Variants in COL4A5 observed in about 807,000 individuals in gnomAD.
COL4A5 encodes the protein collagen type IV alpha 5 chain.
A neutral mutation model predicts 130.2 loss-of-function variants in COL4A5; 26 were observed. The ratio of observed to expected loss-of-function variants is 0.20; its 90% CI spans 0.15 to 0.28. The LOEUF (loss-of-function observed/expected upper bound fraction) is 0.28, where lower values mean the gene tolerates loss of function less well. COL4A5 is among the 10% of genes least tolerant of loss of function. The pLI is 1.00. For missense variants in COL4A5, 1,131 were observed against 1,344.3 expected, an observed-to-expected ratio of 0.84 and a Z score of 2.48; for synonymous variants, 496 against 439.6, an observed-to-expected ratio of 1.13 and a Z score of -1.60.
intron 36 of COL4A5, among the ~76,000 whole-genome samples, chrX:108,635,200 G>A (rs889229018): frequency 9.1e-6 from 1 of 110,228 alleles, no homozygotes; most frequent in African/African-American, 3.3e-5. Flanking sequence ...AGTGTCTTCA[G>A]TACCTTGTCC....
intron 3 of COL4A5, among the ~76,000 whole-genome samples, chrX:108,562,488 T>C (rs1387239882): frequency 8.9e-6 from 1 of 112,218 alleles, no homozygotes; most frequent in Admixed American, 9.5e-5. Flanking sequence ...AGGACTATTC[T>C]ACAATAACAT....
chrX:108,664,581 A>G (rs1025311764), intron 37 of COL4A5, among the ~76,000 whole-genome samples: 2 of 112,173 alleles, frequency 1.8e-5, no homozygotes, highest in East Asian at 2.8e-4. Context: ...TAAATTTTTA[A>G]ACTACTTTTA....
At chrX:108,650,045 T>C (rs988386852) in intron 36 of COL4A5, among the ~76,000 whole-genome samples, 3 of 107,662 alleles carry the variant, frequency 2.8e-5, no homozygotes, top group Admixed American at 2.0e-4. Context: ...TACAACGAAC[T>C]CAAACAAATC....
intron 36 of COL4A5, among the ~76,000 whole-genome samples, chrX:108,652,178 G>T (rs1006553512): frequency 8.9e-6 from 1 of 111,836 alleles, no homozygotes; most frequent in Non-Finnish European, 1.9e-5. Flanking sequence ...ATGGTATCAT[G>T]GGTATATGCA....
At chrX:108,569,239 C>T (rs952162733) in intron 6 of COL4A5, among the ~76,000 whole-genome samples, 6 of 111,677 alleles carry the variant, frequency 5.4e-5, no homozygotes, top group Non-Finnish European at 1.1e-4. Flanking sequence ...TTTAACACGC[C>T]GAATAACTTC....
chrX:108,632,773 A>C (rs1199372601), intron 36 of COL4A5, among the ~76,000 whole-genome samples: 1 of 112,208 alleles, frequency 8.9e-6, no homozygotes, highest in African/African-American at 3.2e-5. Flanking sequence ...CTTCGACAAA[A>C]TTCAACAGCC....
chrX:108,479,668 AACTT>A (rs2064869523), intron 1 of COL4A5, among the ~76,000 whole-genome samples: 1 of 111,678 alleles, frequency 9.0e-6, no homozygotes, highest in East Asian at 2.8e-4. Flanking sequence ...TTCCTCACGT[AACTT>A]ACTTGTACCT....
intron 2 of COL4A5, among the ~76,000 whole-genome samples, chrX:108,542,950 G>A (rs1217820190): frequency 1.8e-5 from 2 of 108,635 alleles, no homozygotes; most frequent in Non-Finnish European, 1.9e-5. Flanking sequence ...CTTTTTGATG[G>A]GGTTGTTTGT....
chrX:108,583,074 T>G (rs1239440103), intron 17 of COL4A5, 137 bp downstream of exon 17: 2 of 510,724 alleles, frequency 3.9e-6, no homozygotes, highest in African/African-American at 2.3e-5. Context: ...TTTATTCATC[T>G]TTTGCTCATT....
intron 1 of COL4A5, among the ~76,000 whole-genome samples, chrX:108,496,758 C>T (rs1056635587): frequency 9.0e-6 from 1 of 110,901 alleles, no homozygotes; most frequent in Non-Finnish European, 1.9e-5. Context: ...ATAATCGATC[C>T]CTTTATTGTT....
chrX:108,512,513 T>C (rs1351264504), intron 1 of COL4A5, among the ~76,000 whole-genome samples: 1 of 111,998 alleles, frequency 8.9e-6, no homozygotes, highest in African/African-American at 3.2e-5. Flanking sequence ...AATATACCAA[T>C]GAAGATTTAT....
chrX:108,680,143 A>C (rs1308246673), intron 44 of COL4A5, among the ~76,000 whole-genome samples: 1 of 112,305 alleles, frequency 8.9e-6, no homozygotes, highest in East Asian at 2.8e-4. Context: ...GGTGATTTCC[A>C]AAACCAAAGC....
chrX:108,580,781 A>T (rs771914390), intron 15 of COL4A5, 43 bp downstream of exon 15: 1 of 1,104,906 alleles, frequency 9.1e-7, no homozygotes, highest in African/African-American at 1.9e-5. Flanking sequence ...AAAAATTCTA[A>T]ATGTGTGTGT....
chrX:108,473,615 A>G (rs867572863), intron 1 of COL4A5, among the ~76,000 whole-genome samples: 12 of 36,440 alleles, frequency 3.3e-4, no homozygotes, highest in South Asian at 2.1e-3. Context: ...ATATATATGT[A>G]TATATATATA....
At chrX:108,620,949 AAGTG>A (rs1240630036) in intron 31 of COL4A5, among the ~76,000 whole-genome samples, 1 of 110,904 alleles carries the variant, frequency 9.0e-6, no homozygotes, top group African/African-American at 3.3e-5. Context: ...CACAAGAGAA[AAGTG>A]AGTGTTTCAG....
At chrX:108,688,744 A>G (rs781061551) in intron 49 of COL4A5, among the ~76,000 whole-genome samples, 35 of 111,617 alleles carry the variant, frequency 3.1e-4, no homozygotes, top group African/African-American at 1.1e-3. Context: ...AGGGCTGCCT[A>G]TTTTAAGACT....
intron 1 of COL4A5, among the ~76,000 whole-genome samples, chrX:108,504,234 A>G (rs2065105182): frequency 1.8e-5 from 2 of 111,814 alleles, no homozygotes; most frequent in South Asian, 7.4e-4. Flanking sequence ...ACAAAAATTA[A>G]CTCAAGATAG....
chrX:108,440,348 C>G (rs770572735), intron 1 of COL4A5, 142 bp downstream of exon 1: 12 of 479,920 alleles, frequency 2.5e-5, no homozygotes, highest in South Asian at 5.9e-5. Flanking sequence ...TAGGAAGAAA[C>G]GTTATTTGCA....
At chrX:108,586,316 C>T (rs1055523096) in intron 18 of COL4A5, among the ~76,000 whole-genome samples, 5 of 111,228 alleles carry the variant, frequency 4.5e-5, no homozygotes, top group South Asian at 3.8e-4. Flanking sequence ...ATTGGAGAGA[C>T]GTTTTCTGTA....
Sources: gnomAD v4.1 joint callset for allele counts (sites outside exome capture counted in the v4.1 genomes callset) on GRCh38, gnomAD v4.1.1 for gene constraint, MANE v1.5 for transcripts, NCBI Gene and HGNC (gene_info 2026-07-23, HGNC 2026-07-21) for gene names.